The following RBM27 variants were observed in gnomAD, a reference collection of about 807,000 sequenced individuals.
RBM27 encodes the protein RNA binding motif protein 27, also known as RNA-binding protein 27.
In RBM27, 22 loss-of-function variants were observed where a neutral mutation model predicts 135.3. The ratio of observed to expected loss-of-function variants is 0.16; its 90% CI spans 0.12 to 0.23. The LOEUF (loss-of-function observed/expected upper bound fraction) is 0.23. Ranked by LOEUF, RBM27 falls within the 10% of genes least tolerant of loss-of-function variation. The pLI is 1.00. For missense variants in RBM27, 1,009 were observed against 1,281.0 expected (o/e 0.79, Z 3.24); for synonymous variants, 481 against 442.4 (o/e 1.09, Z -1.10).
chr5:146,256,418 C>T (rs13154219), intron 10 of RBM27, among the ~76,000 whole-genome samples: 31,286 of 149,484 alleles, frequency 0.21, 4,159 homozygotes, highest in Admixed American at 0.33. Context: ...GGCACGATCT[C>T]GGCTCACTGC....
chr5:146,278,674 A>G (rs1291305711), intron 19 of RBM27, among the ~76,000 whole-genome samples: 1 of 151,926 alleles, frequency 6.6e-6, no homozygotes, highest in African/African-American at 2.4e-5. Context: ...GCACAGATAT[A>G]TAATACTACA....
In RBM27 at chr5:146,286,902, A is replaced by G. The variant is rs941954242; in HGVS notation, c.*872A>G. On this transcript the variant is annotated 3_prime_UTR_variant, in exon 21 of 21. Transcript: ENST00000265271. ...TAGTCATCATTGATATAAGTGGTTC[A>G]TTTGGGCAACCGCAGGCAGTCTCCA... 3.9e-5 allele frequency: 6 copies of G among 152,446 alleles called. No homozygotes were observed. Among genetic ancestry groups the G allele is most frequent in the Non-Finnish European group, 1.5e-5 (1 of 68,010 alleles). 9.4% of individuals were successfully genotyped at this position (152,446 alleles called of 1,614,324 possible). A position where few individuals can be genotyped will look rare whatever the true frequency, so the allele number is the denominator to read the frequency against.
At chr5:146,209,153 T>G (rs138350440) in intron 1 of RBM27, among the ~76,000 whole-genome samples, 8 of 152,344 alleles carry the variant, frequency 5.3e-5, no homozygotes, top group African/African-American at 1.9e-4. Flanking sequence ...AGACTTTAAG[T>G]GGTTTGTGTA....
intron 8 of RBM27, among the ~76,000 whole-genome samples, chr5:146,246,330 A>G (rs1407713877): frequency 1.3e-5 from 2 of 152,220 alleles, no homozygotes; most frequent in Non-Finnish European, 2.9e-5. Context: ...CTTTATTCTG[A>G]CTAGAGTTAA....
chr5:146,258,407 A>T (rs1185475487), intron 10 of RBM27, 42 bp from the exon 11 acceptor site: 1 of 1,465,978 alleles, frequency 6.8e-7, no homozygotes, highest in African/African-American at 1.4e-5. Context: ...AATCATTGAG[A>T]CTCCTGAAAA....
At chr5:146,270,931 T>C in intron 17 of RBM27, 23 bp from the exon 18 acceptor site, 1 of 1,518,984 alleles carries the variant, frequency 6.6e-7, no homozygotes, top group Non-Finnish European at 9.1e-7. Flanking sequence ...AAAAATACCT[T>C]TTTATTTTCA....
chr5:146,263,925 C>T (rs551074681), intron 14 of RBM27, among the ~76,000 whole-genome samples: 2 of 151,004 alleles, frequency 1.3e-5, no homozygotes, highest in Admixed American at 6.6e-5. Context: ...GCCAAAATGG[C>T]GAAACCCCCT....
intron 14 of RBM27, among the ~76,000 whole-genome samples, chr5:146,263,911 C>T (rs1758501327): frequency 6.6e-6 from 1 of 151,234 alleles, no homozygotes; most frequent in African/African-American, 2.4e-5. Flanking sequence ...TTGAGACCAG[C>T]CTGGCCAAAA....
At chr5:146,208,845 A>G (rs1755819211) in intron 1 of RBM27, among the ~76,000 whole-genome samples, 1 of 152,218 alleles carries the variant, frequency 6.6e-6, no homozygotes, top group Non-Finnish European at 1.5e-5. Flanking sequence ...TGTTTTATTT[A>G]TATTATATAA....
At chr5:146,248,049 A>G (rs1384739014) in intron 8 of RBM27, among the ~76,000 whole-genome samples, 1 of 152,034 alleles carries the variant, frequency 6.6e-6, no homozygotes, top group East Asian at 1.9e-4. Flanking sequence ...TCTTTCATTT[A>G]TCAATTTTAA....
At chr5:146,205,915 A>C (rs1755625271) in intron 1 of RBM27, among the ~76,000 whole-genome samples, 1 of 152,152 alleles carries the variant, frequency 6.6e-6, no homozygotes, top group African/African-American at 2.4e-5. Context: ...ACTACTCGGG[A>C]GGCTGAGGCA....
Position 146,270,981 on chromosome 5 carries a change from C to T in RBM27, c.2719C>T (p.Leu907=). 2 of 1,613,278 alleles carry T rather than the reference C, an allele frequency of 1.2e-6. No individual in the cohort carries two copies. Among genetic ancestry groups the T allele is most frequent in the Non-Finnish European group, 1.7e-6 (2 of 1,179,382 alleles). ...CCAGAAGGAGTTATTAGATACTGAA[C>T]TGGACCTCCACAAGAGGCTGTCCTC... ...EAQKELLDTE[L]DLHKRLSSGE... Residue 907 remains leucine (L), a synonymous_variant, in exon 18 of 21, where the codon CTG becomes TTG. Transcript: ENST00000265271.
chr5:146,210,718 C>A (rs573055295), intron 1 of RBM27, among the ~76,000 whole-genome samples: 2 of 151,314 alleles, frequency 1.3e-5, no homozygotes, highest in Non-Finnish European at 3.0e-5. Flanking sequence ...GAGGCTGAGG[C>A]GGGCAGATCA....
chr5:146,285,273 A>T (rs568051852), intron 20 of RBM27, among the ~76,000 whole-genome samples: 2 of 152,256 alleles, frequency 1.3e-5, no homozygotes. Flanking sequence ...TAGTTTATTT[A>T]GTGAACACTT....
chr5:146,229,683 G>A, intron 4 of RBM27, 34 bp from the exon 5 acceptor site: 1 of 1,525,030 alleles, frequency 6.6e-7, no homozygotes, highest in Non-Finnish European at 9.0e-7. Context: ...GGTTTCTATA[G>A]CCTGCATATG....
chr5:146,263,722 GTGACAGTTA>G, intron 14 of RBM27, 91 bp downstream of exon 14: 1 of 1,427,750 alleles, frequency 7.0e-7, no homozygotes, highest in Non-Finnish European at 9.5e-7. Flanking sequence ...GAAGACAGTT[GTGACAGTTA>G]ACCTAAGTGT....
In RBM27 at chr5:146,288,082, A is replaced by G. The variant is rs1300719293; in HGVS notation, c.*2052A>G. ...TTTGGGTTTTTTTTTTGTGTACTAA[A>G]ACTACCAGCGTATAGATTTCAATAA... On this transcript the variant is annotated 3_prime_UTR_variant, in exon 21 of 21. Coordinates refer to ENST00000265271, the MANE Select transcript of RBM27 (RefSeq NM_018989.2). 1 of 151,886 alleles carries G rather than the reference A, an allele frequency of 6.6e-6. No homozygotes were observed. The highest frequency in any genetic ancestry group is 1.5e-5 in the Non-Finnish European group (1 of 67,924). The allele number at this position is 151,886 out of a possible 1,614,324, so 9.4% of individuals were successfully genotyped here.
chr5:146,203,838 G>A lies in RBM27; in HGVS notation c.59+14G>A, dbSNP rs577276257. ...ACTGGAGCCGATGTGAGTGAGCCGG[G>A]CTGGGCCGGGGCCGGCGAACGTGGG... is the stretch of plus-strand genomic sequence containing the variant. On this transcript the variant is annotated intron_variant, in intron 1 of 20. Transcript: ENST00000265271. 4 of 1,547,544 alleles carry A rather than the reference G, an allele frequency of 2.6e-6. No individual in the cohort carries two copies. Among genetic ancestry groups the A allele is most frequent in the South Asian group, 1.2e-5 (1 of 83,710 alleles).
rs955473180 is a variant in RBM27 at position 146,288,215 on chromosome 5, A to T, written c.*2185A>T. ...ACAGAATGAGATTCCTTTTCATATG[A>T]TTTTTTTGACCTCAAAATGGACATC... On this transcript the variant is annotated 3_prime_UTR_variant, in exon 21 of 21. Coordinates refer to ENST00000265271, the MANE Select transcript of RBM27 (RefSeq NM_018989.2). 1.3e-5 allele frequency: 2 copies of T among 151,964 alleles called. No individual in the cohort carries two copies. 9.4% of individuals were successfully genotyped at this position (151,964 alleles called of 1,614,324 possible).
Sources: gnomAD v4.1 joint callset for allele counts (sites outside exome capture counted in the v4.1 genomes callset) on GRCh38, gnomAD v4.1.1 for gene constraint, MANE v1.5 for transcripts, NCBI Gene and HGNC (gene_info 2026-07-23, HGNC 2026-07-21) for gene names.